The following SLAIN2 variants were observed in gnomAD, a reference collection of about 807,000 sequenced individuals.
SLAIN2 encodes SLAIN family member 2.
Under a neutral mutation model 56.6 loss-of-function variants are expected in SLAIN2, and 31 were observed. The observed-to-expected ratio is 0.55, with a 90% confidence interval of 0.41 to 0.74. The LOEUF (loss-of-function observed/expected upper bound fraction) is 0.74, where lower values mean the gene tolerates loss of function less well. Ranked by LOEUF, SLAIN2 falls within the 30% of genes least tolerant of loss-of-function variation. The probability of loss-of-function intolerance (pLI) is 0.00; values close to 1 mark genes in which losing one functional copy is unlikely to be tolerated. For synonymous variants in SLAIN2, 317 were observed against 284.9 expected (o/e 1.11, Z -1.13); for missense variants, 777 against 754.2 (o/e 1.03, Z -0.35).
chr4:48,403,374 A>C (rs6848073), intron 6 of SLAIN2, among the ~76,000 whole-genome samples: 80,410 of 151,902 alleles, frequency 0.53, 22,356 homozygotes, highest in South Asian at 0.69. Flanking sequence ...CCATCATCAG[A>C]GTTCTGTTCG....
At chr4:48,347,175 G>C (rs1450406974) in intron 1 of SLAIN2, among the ~76,000 whole-genome samples, 2 of 152,026 alleles carry the variant, frequency 1.3e-5, no homozygotes, top group African/African-American at 2.4e-5. Context: ...AGTCACTGTG[G>C]TGTGCCCATG....
chr4:48,386,756 T>C (rs181645470), intron 6 of SLAIN2, among the ~76,000 whole-genome samples: 6 of 152,316 alleles, frequency 3.9e-5, no homozygotes, highest in Non-Finnish European at 8.8e-5. Context: ...ATTTGAGCTT[T>C]ATCTTTGAAA....
intron 6 of SLAIN2, among the ~76,000 whole-genome samples, chr4:48,386,459 G>A (rs1037218609): frequency 1.3e-5 from 2 of 152,154 alleles, no homozygotes; most frequent in East Asian, 3.8e-4. Flanking sequence ...CTATGGTTTA[G>A]ACCATGATAT....
intron 6 of SLAIN2, among the ~76,000 whole-genome samples, chr4:48,384,473 T>C (rs529550745): frequency 3.3e-5 from 5 of 152,308 alleles, no homozygotes; most frequent in South Asian, 2.1e-4. Flanking sequence ...ATCCTACTTA[T>C]AGATTAAAAT....
In SLAIN2 at chr4:48,341,978, G is replaced by T. The variant is rs776588859; in HGVS notation, c.239G>T (p.Gly80Val). The change falls in exon 1 of 8, where the codon GGG (glycine) becomes GTG (valine). Residue 80 changes from glycine to valine, a missense_variant. Physicochemically the swap from Gly to Val is moderately radical, Grantham distance 109. Transcript: ENST00000264313. Reference sequence around the variant, plus strand: ...AGCGCCAAGTCGGGCGGCGGGCCCGGGTCGGGCCCGAGGCGGACGAGTAGC... The same window carrying T: ...AGCGCCAAGTCGGGCGGCGGGCCCGTGTCGGGCCCGAGGCGGACGAGTAGC... ...GLSAKSGGGP[G>V]SGPRRTSSEE... 1.4e-6 allele frequency: 2 copies of T among 1,434,128 alleles called. No homozygotes were observed. The highest frequency in any genetic ancestry group is 1.8e-6 in the Non-Finnish European group (2 of 1,100,254). The allele number at this position is 1,434,128 out of a possible 1,614,324, so 88.8% of individuals were successfully genotyped here.
intron 6 of SLAIN2, among the ~76,000 whole-genome samples, chr4:48,400,951 C>A (rs1252869361): frequency 6.6e-6 from 1 of 152,112 alleles, no homozygotes; most frequent in Non-Finnish European, 1.5e-5. Flanking sequence ...TCCCTCTTAA[C>A]ATTGCCTTAG....
chr4:48,378,868 C>T (rs1175515754), intron 3 of SLAIN2, among the ~76,000 whole-genome samples: 1 of 152,138 alleles, frequency 6.6e-6, no homozygotes, highest in African/African-American at 2.4e-5. Flanking sequence ...GTGCACTCTG[C>T]TCTTTTTTCA....
At chr4:48,388,833 A>G (rs2109767674) in intron 6 of SLAIN2, among the ~76,000 whole-genome samples, 1 of 152,354 alleles carries the variant, frequency 6.6e-6, no homozygotes, top group South Asian at 2.1e-4. Flanking sequence ...ATTTAGTGAG[A>G]TATTATCCAT....
At chr4:48,351,027 C>G (rs1295249544) in intron 1 of SLAIN2, among the ~76,000 whole-genome samples, 1 of 152,242 alleles carries the variant, frequency 6.6e-6, no homozygotes, top group African/African-American at 2.4e-5. Flanking sequence ...TCTCCCACTT[C>G]TGCAGTGTAC....
At chr4:48,361,891 A>C (rs1177390221) in intron 1 of SLAIN2, among the ~76,000 whole-genome samples, 1 of 152,106 alleles carries the variant, frequency 6.6e-6, no homozygotes. Flanking sequence ...TCATGTGTTA[A>C]ATTTATTCCT....
chr4:48,410,260 C>A (rs1385553786), intron 6 of SLAIN2, among the ~76,000 whole-genome samples: 1 of 146,674 alleles, frequency 6.8e-6, no homozygotes, highest in Non-Finnish European at 1.5e-5. Flanking sequence ...TATTCAAATT[C>A]TTTGTCTCTG....
intron 6 of SLAIN2, among the ~76,000 whole-genome samples, chr4:48,408,407 C>G (rs1398937126): frequency 6.6e-6 from 1 of 151,188 alleles, no homozygotes; most frequent in Non-Finnish European, 1.5e-5. Flanking sequence ...GTGGCAATTT[C>G]TATCACCTAG....
intron 6 of SLAIN2, among the ~76,000 whole-genome samples, chr4:48,386,414 G>C (rs931703069): frequency 6.6e-6 from 1 of 152,148 alleles, no homozygotes; most frequent in Non-Finnish European, 1.5e-5. Flanking sequence ...CTCAATAGGT[G>C]AGAGTCCAAA....
intron 6 of SLAIN2, among the ~76,000 whole-genome samples, chr4:48,388,346 A>G (rs555179647): frequency 6.6e-6 from 1 of 152,302 alleles, no homozygotes; most frequent in African/African-American, 2.4e-5. Flanking sequence ...GAGTTTTTCA[A>G]AAGGCTAATG....
At chr4:48,395,446 A>T (rs997879502) in intron 6 of SLAIN2, among the ~76,000 whole-genome samples, 1 of 74,706 alleles carries the variant, frequency 1.3e-5, no homozygotes, top group Non-Finnish European at 3.1e-5. Flanking sequence ...ATTTTTTTTG[A>T]AAAAAAAAAG....
Position 48,420,206 on chromosome 4 carries a change from A to G in SLAIN2, c.1442A>G (p.His481Arg). The change falls in exon 7 of 8, where the codon CAT (histidine) becomes CGT (arginine). Residue 481 changes from histidine (H) to arginine (R), a missense_variant. Coordinates refer to ENST00000264313, the MANE Select transcript of SLAIN2 (RefSeq NM_020846.2). ...LRQPVKAFSNHGSGSPGSQEI... is the reference protein window; with the variant it reads ...LRQPVKAFSNRGSGSPGSQEI... ...CAACCAGTGAAAGCATTTAGTAACC[A>G]TGGCTCTGGTTCTCCTGGTAGCCAA... The G allele has an allele frequency of 5.0e-6, 8 of 1,613,944 alleles. No homozygotes were observed. Among genetic ancestry groups the G allele is most frequent in the Non-Finnish European group, 6.8e-6 (8 of 1,179,884 alleles).
At chr4:48,342,238 T>A in intron 1 of SLAIN2, 110 bp downstream of exon 1, 3 of 1,262,774 alleles carry the variant, frequency 2.4e-6, no homozygotes, top group Non-Finnish European at 3.0e-6. Context: ...CCGGGTCCGC[T>A]CTCCTGTGGC....
chr4:48,409,575 C>T (rs922069329), intron 6 of SLAIN2, among the ~76,000 whole-genome samples: 2 of 152,176 alleles, frequency 1.3e-5, no homozygotes, highest in African/African-American at 4.8e-5. Flanking sequence ...GTTGTTTCCA[C>T]TTTTTGCCTA....
chr4:48,409,975 T>C (rs193183239), intron 6 of SLAIN2, among the ~76,000 whole-genome samples: 2 of 152,326 alleles, frequency 1.3e-5, no homozygotes, highest in East Asian at 3.9e-4. Context: ...ATGCTTAGTG[T>C]AATTACTGGA....
Sources: gnomAD v4.1 joint callset for allele counts (sites outside exome capture counted in the v4.1 genomes callset) on GRCh38, gnomAD v4.1.1 for gene constraint, MANE v1.5 for transcripts, NCBI Gene and HGNC (gene_info 2026-07-23, HGNC 2026-07-21) for gene names.